Variants in GRB10 observed in about 807,000 individuals in gnomAD.
GRB10 encodes growth factor receptor-bound protein 10.
GRB10 carries 20 observed loss-of-function variants against 80.9 expected under a neutral mutation model. The observed-to-expected ratio is 0.25, with a 90% CI of 0.17 to 0.36. The LOEUF (loss-of-function observed/expected upper bound fraction) is 0.36. GRB10 is among the 10% of genes least tolerant of loss of function. GRB10 has a pLI of 1.00. For synonymous variants in GRB10, 291 were observed against 291.5 expected, an observed-to-expected ratio of 1.00 and a Z score of 0.02; for missense variants, 548 against 747.7, an observed-to-expected ratio of 0.73 and a Z score of 3.12.
chr7:50,687,630 T>TC (rs1429826201), intron 5 of GRB10, among the ~76,000 whole-genome samples: 4 of 152,232 alleles, frequency 2.6e-5, no homozygotes, highest in African/African-American at 7.2e-5. Context: ...ATTTTGCATG[T>TC]CACTACCTTC....
intron 7 of GRB10, chr7:50,645,638 G>A: frequency 1.0e-6 from 1 of 985,314 alleles, no homozygotes; most frequent in Non-Finnish European, 1.2e-6. Context: ...GACTCCAAGA[G>A]GTCTCCAGGC....
At chr7:50,645,565 A>C in intron 7 of GRB10, 2 of 980,176 alleles carry the variant, frequency 2.0e-6, no homozygotes, top group Non-Finnish European at 2.4e-6. Context: ...CACCAAGAAG[A>C]ATAAGTACCT....
chr7:50,637,122 C>T (rs1022695063), intron 7 of GRB10, among the ~76,000 whole-genome samples: 1 of 152,136 alleles, frequency 6.6e-6, no homozygotes, highest in East Asian at 1.9e-4. Flanking sequence ...GGACTACAGG[C>T]ATGTGCCATC....
At chr7:50,777,429 T>TACACACACACACACACACACACACAC in intron 2 of GRB10, among the ~76,000 whole-genome samples, 1 of 146,272 alleles carries the variant, frequency 6.8e-6, no homozygotes, top group East Asian at 2.0e-4. Context: ...GCAATCTGTA[T>TACACACACACACACACACACACACAC]ACACACACAC....
chr7:50,649,588 G>A (rs1280376266), intron 7 of GRB10, among the ~76,000 whole-genome samples: 1 of 152,202 alleles, frequency 6.6e-6, no homozygotes, highest in Non-Finnish European at 1.5e-5. Flanking sequence ...GGAGAACAGT[G>A]GGATTCAAAT....
chr7:50,646,198 G>A (rs73114804), intron 7 of GRB10, among the ~76,000 whole-genome samples: 15,873 of 152,150 alleles, frequency 0.1, 1,008 homozygotes, highest in Non-Finnish European at 0.11. Context: ...TCTCAGTAGC[G>A]TCTTTTCCCC....
intron 3 of GRB10, among the ~76,000 whole-genome samples, chr7:50,746,413 T>G (rs545727768): frequency 5.9e-5 from 9 of 152,302 alleles, no homozygotes; most frequent in African/African-American, 2.2e-4. Context: ...TATGATGGGT[T>G]TATCAGAATG....
At chr7:50,737,582 C>T (rs544776184) in intron 3 of GRB10, among the ~76,000 whole-genome samples, 1 of 152,384 alleles carries the variant, frequency 6.6e-6, no homozygotes, top group Non-Finnish European at 1.5e-5. Context: ...GGCGTGGTGG[C>T]TCACACCTGT....
At chr7:50,739,927 T>C (rs1471825614) in intron 3 of GRB10, among the ~76,000 whole-genome samples, 5 of 152,174 alleles carry the variant, frequency 3.3e-5, no homozygotes, top group African/African-American at 4.8e-5. Context: ...CCACAGCTCT[T>C]ATGCCACCTC....
intron 6 of GRB10, among the ~76,000 whole-genome samples, chr7:50,670,145 A>C (rs2060207292): frequency 1.3e-5 from 2 of 152,188 alleles, no homozygotes; most frequent in Non-Finnish European, 2.9e-5. Flanking sequence ...ACACGGATGA[A>C]CCCTGAAGAC....
At chr7:50,640,371 C>T (rs2056001889) in intron 7 of GRB10, among the ~76,000 whole-genome samples, 1 of 152,176 alleles carries the variant, frequency 6.6e-6, no homozygotes, top group African/African-American at 2.4e-5. Context: ...GGAATGGCTG[C>T]CCCCTTCGAG....
chr7:50,700,907 A>G (rs967221072), intron 5 of GRB10, among the ~76,000 whole-genome samples: 4 of 152,256 alleles, frequency 2.6e-5, no homozygotes, highest in African/African-American at 9.6e-5. Context: ...GTTTTAGAAA[A>G]GAATCAAGAG....
At chr7:50,771,700 G>A (rs7790423) in intron 2 of GRB10, among the ~76,000 whole-genome samples, 1 of 152,104 alleles carries the variant, frequency 6.6e-6, no homozygotes, top group South Asian at 2.1e-4. Context: ...ACTGGTAGAA[G>A]AGACCAGAAC....
intron 13 of GRB10, 134 bp from the exon 14 acceptor site, chr7:50,606,548 T>C: frequency 2.8e-6 from 2 of 718,974 alleles, no homozygotes; most frequent in South Asian, 1.5e-5. Context: ...TCCAGGAGCC[T>C]GAGTGCCGCT....
intron 7 of GRB10, among the ~76,000 whole-genome samples, chr7:50,664,031 T>A (rs2237464): frequency 6.6e-6 from 1 of 152,092 alleles, no homozygotes; most frequent in African/African-American, 2.4e-5. Flanking sequence ...CTGGTGACAC[T>A]GGTCCCATGC....
intron 2 of GRB10, among the ~76,000 whole-genome samples, chr7:50,772,074 G>A (rs1397115369): frequency 2.0e-5 from 3 of 152,102 alleles, no homozygotes; most frequent in Admixed American, 6.5e-5. Context: ...TGCGGATGTG[G>A]ATCTATTCAG....
chr7:50,690,752 A>G lies in GRB10; in HGVS notation c.139+13069T>C, dbSNP rs2062725922. Among the ~76,000 whole-genome samples the G allele has an allele frequency of 2.0e-5, 3 of 152,262 alleles. No individual in the cohort carries two copies. In the South Asian group the frequency reaches 6.2e-4, roughly 31 times the overall value. On this transcript the variant is annotated intron_variant, in intron 5 of 18. Transcript: ENST00000401949. The stretch of plus-strand genomic sequence containing the variant: ...AAAGCAAACACACCAGGGGAACAGA[A>G]AGAGTTGCTGGGATAAAGCCCTCTA...
At chr7:50,633,722 A>AACAACAACT (rs560265308) in intron 7 of GRB10, among the ~76,000 whole-genome samples, 1 of 151,812 alleles carries the variant, frequency 6.6e-6, no homozygotes, top group Non-Finnish European at 1.5e-5. Flanking sequence ...CAACAACAAC[A>AACAACAACT]ACTTTTGGAA....
chr7:50,744,551 C>T (rs1050462492), intron 3 of GRB10, among the ~76,000 whole-genome samples: 4 of 152,178 alleles, frequency 2.6e-5, no homozygotes, highest in African/African-American at 9.7e-5. Context: ...TGTTGTATGT[C>T]ATATAGTTAT....
Sources: gnomAD v4.1 joint callset for allele counts (sites outside exome capture counted in the v4.1 genomes callset) on GRCh38, gnomAD v4.1.1 for gene constraint, MANE v1.5 for transcripts, NCBI Gene and HGNC (gene_info 2026-07-23, HGNC 2026-07-21) for gene names.